MROH9: variants seen among roughly 807,000 people sequenced by gnomAD.
MROH9 encodes maestro heat like repeat family member 9.
MROH9 carries 92 observed loss-of-function variants against 98.2 expected under a neutral mutation model. That is an observed-to-expected ratio of 0.94 (90% CI 0.79 to 1.11). MROH9 has a LOEUF of 1.11. Among genes scored for constraint, MROH9 ranks in the 50% most tolerant of loss-of-function variants. MROH9 has a pLI of 0.00. For synonymous variants in MROH9, 397 were observed against 368.9 expected (o/e 1.08, Z -0.87); for missense variants, 1,057 against 1,014.8 (o/e 1.04, Z -0.57).
intron 20 of MROH9, among the ~76,000 whole-genome samples, chr1:171,048,914 T>C (rs1653560687): frequency 6.6e-6 from 1 of 152,184 alleles, no homozygotes; most frequent in African/African-American, 2.4e-5. Context: ...GGTTCCCTTT[T>C]GGCCCAGGGT....
At position 170,992,280 on chromosome 1, in the gene MROH9, C is replaced by T. The variant is rs201493255; in HGVS notation, c.1145C>T (p.Thr382Met). The change falls in exon 12 of 22, where the codon ACG becomes ATG. Residue 382 changes from threonine (T) to methionine (M), a missense_variant. Coordinates refer to ENST00000367759, the MANE Select transcript of MROH9 (RefSeq NM_001163629.2). The part of the protein sequence containing the change: ...GKPGEMEDTV[T>M]EGKRFSLDIT... ...CCTGGGGAAATGGAGGACACCGTAACGGAAGGGAAACGTTTCTCTCTTGAT... is the reference window on the plus strand; with the variant it reads ...CCTGGGGAAATGGAGGACACCGTAATGGAAGGGAAACGTTTCTCTCTTGAT... 34 of 1,613,410 alleles carry T rather than the reference C, an allele frequency of 2.1e-5. No individual in the cohort carries two copies. The highest frequency in any genetic ancestry group is 2.7e-5 in the African/African-American group (2 of 74,866).
intron 15 of MROH9, among the ~76,000 whole-genome samples, chr1:171,000,310 A>G (rs1012956924): frequency 4.6e-5 from 7 of 151,642 alleles, no homozygotes; most frequent in African/African-American, 1.7e-4. Context: ...GAATTTTTAT[A>G]GTTTCCAGTT....
chr1:171,004,008 G>T (rs559177621), intron 15 of MROH9, among the ~76,000 whole-genome samples: 3 of 152,128 alleles, frequency 2.0e-5, no homozygotes, highest in Middle Eastern at 3.4e-3. Context: ...TCATGCAGGT[G>T]GTCAGGGAAG....
rs1652311258 is a variant in MROH9, at chr1:171,016,046, C to T, written c.1735-117C>T. On this transcript the variant is annotated intron_variant, in intron 16 of 21. Coordinates refer to ENST00000367759, the MANE Select transcript of MROH9 (RefSeq NM_001163629.2). Reference sequence around the variant, plus strand: ...TTTTGAAAATTTGACAAGAGATTTTCGTGAGTCGGCTTCCGCACACCATGA... The same window carrying T: ...TTTTGAAAATTTGACAAGAGATTTTTGTGAGTCGGCTTCCGCACACCATGA... The T allele has an allele frequency of 3.1e-5, 17 of 551,386 alleles. No individual in the cohort carries two copies. In the East Asian group the frequency reaches 4.6e-4, roughly 15 times the overall value. 34.2% of individuals were successfully genotyped at this position (551,386 alleles called of 1,614,324 possible). A position where few individuals can be genotyped will look rare whatever the true frequency, so the allele number is the denominator to read the frequency against.
intron 1 of MROH9, among the ~76,000 whole-genome samples, chr1:170,944,903 A>T (rs1156518954): frequency 6.6e-6 from 1 of 152,074 alleles, no homozygotes; most frequent in African/African-American, 2.4e-5. Context: ...ATGGGAAATC[A>T]TTCTCATGAT....
intron 16 of MROH9, among the ~76,000 whole-genome samples, chr1:171,014,607 A>G (rs1571503304): frequency 6.6e-6 from 1 of 152,162 alleles, no homozygotes; most frequent in Admixed American, 6.5e-5. Flanking sequence ...CCTATCTCAG[A>G]GCACTTGCTC....
chr1:170,959,980 C>T (rs551049521), intron 5 of MROH9, among the ~76,000 whole-genome samples: 1 of 152,300 alleles, frequency 6.6e-6, no homozygotes. Context: ...AGTGAACTTG[C>T]TCTATAAGCT....
chr1:171,033,918 G>C (rs928575323), intron 20 of MROH9, among the ~76,000 whole-genome samples: 1 of 151,864 alleles, frequency 6.6e-6, no homozygotes, highest in African/African-American at 2.4e-5. Flanking sequence ...ACTGAGATAA[G>C]GAATCATTTT....
intron 21 of MROH9, among the ~76,000 whole-genome samples, chr1:171,062,701 A>T (rs1054332832): frequency 1.3e-5 from 2 of 152,218 alleles, no homozygotes; most frequent in Non-Finnish European, 2.9e-5. Flanking sequence ...GGGTCTTAGG[A>T]ATCTCCCTTA....
chr1:170,941,093 C>G (rs530358217), intron 1 of MROH9, among the ~76,000 whole-genome samples: 1 of 152,306 alleles, frequency 6.6e-6, no homozygotes, highest in South Asian at 2.1e-4. Flanking sequence ...GATCTCCTGA[C>G]CTCCCTAGTT....
chr1:170,988,348 C>A (rs1026195449), intron 10 of MROH9, among the ~76,000 whole-genome samples: 2 of 152,120 alleles, frequency 1.3e-5, no homozygotes, highest in African/African-American at 4.8e-5. Context: ...ACTCTCAATG[C>A]TGCTGCAGAT....
intron 20 of MROH9, among the ~76,000 whole-genome samples, chr1:171,033,994 G>T (rs1387594064): frequency 1.3e-5 from 2 of 151,936 alleles, no homozygotes; most frequent in African/African-American, 2.4e-5. Flanking sequence ...GGAACTGCAC[G>T]ATTCCATAAG....
At chr1:171,038,835 G>A (rs1653195131) in intron 20 of MROH9, among the ~76,000 whole-genome samples, 3 of 151,982 alleles carry the variant, frequency 2.0e-5, no homozygotes, top group Admixed American at 2.0e-4. Context: ...GGTCAAGAAG[G>A]GGATCATGGT....
At chr1:171,061,880 A>G (rs909520215) in intron 20 of MROH9, among the ~76,000 whole-genome samples, 8 of 152,096 alleles carry the variant, frequency 5.3e-5, no homozygotes, top group Admixed American at 2.0e-4. Context: ...TAATAACCTA[A>G]ATGGTAGCCC....
chr1:171,033,256 T>A (rs1652985436), intron 20 of MROH9, among the ~76,000 whole-genome samples: 1 of 152,250 alleles, frequency 6.6e-6, no homozygotes, highest in African/African-American at 2.4e-5. Flanking sequence ...GGAGCTCAAA[T>A]GGCTTAGGGT....
In MROH9 at chr1:171,062,203, T is replaced by TATAC; in HGVS notation, c.2344+9_2344+10insATAC. On this transcript the variant is annotated intron_variant, in intron 21 of 21. Transcript: ENST00000367759. ...CGAAGTCATGCTTGATGGTGAGTAT[T>TATAC]GAGGTTATAACAAAATCTTTATGCA... 1 of 1,536,086 alleles carries TATAC rather than the reference T, an allele frequency of 6.5e-7. No individual in the cohort carries two copies. The highest frequency in any genetic ancestry group is 2.5e-5 in the East Asian group (1 of 40,780).
chr1:171,045,036 C>G (rs1186119069), intron 20 of MROH9, among the ~76,000 whole-genome samples: 4 of 90,780 alleles, frequency 4.4e-5, no homozygotes, highest in Admixed American at 3.7e-4. Flanking sequence ...GAGTCTCGCT[C>G]TTTCACACAG....
chr1:170,954,839 T>C (rs1365783207), intron 3 of MROH9, among the ~76,000 whole-genome samples: 1 of 152,100 alleles, frequency 6.6e-6, no homozygotes, highest in Admixed American at 6.6e-5. Context: ...CCATAAGTTA[T>C]TGGGGTACAG....
At chr1:170,958,689 T>C (rs1649889695) in intron 4 of MROH9, 149 bp downstream of exon 4, 2 of 526,664 alleles carry the variant, frequency 3.8e-6, no homozygotes, top group South Asian at 7.0e-5. Flanking sequence ...TTATACTCTT[T>C]CCCAGTCTTT....
Sources: gnomAD v4.1 joint callset for allele counts (sites outside exome capture counted in the v4.1 genomes callset) on GRCh38, gnomAD v4.1.1 for gene constraint, MANE v1.5 for transcripts, NCBI Gene and HGNC (gene_info 2026-07-23, HGNC 2026-07-21) for gene names.